The following HEMK2 variants were observed in gnomAD, a reference collection of about 807,000 sequenced individuals.
HEMK2 encodes the protein HemK methyltransferase 2, ETF1 glutamine and histone H4 lysine.
the HEMK2 span, among the ~76,000 whole-genome samples, chr21:28,796,027 C>A: frequency 6.6e-6 from 1 of 152,314 alleles, no homozygotes; most frequent in East Asian, 1.9e-4. Context: ...CTCCTGTTTT[C>A]TCTGAAAACA....
chr21:28,863,413 TATATATA>T, the HEMK2 span, among the ~76,000 whole-genome samples: 214 of 24,124 alleles, frequency 8.9e-3, 22 homozygotes, highest in East Asian at 0.02. Context: ...CTCCCTTTTA[TATATATA>T]TATATATATA....
chr21:28,736,752 G>T, the HEMK2 span, among the ~76,000 whole-genome samples: 1 of 151,296 alleles, frequency 6.6e-6, no homozygotes, highest in African/African-American at 2.4e-5. Context: ...GCAACAGAGT[G>T]AGATCCTTTC....
the HEMK2 span, among the ~76,000 whole-genome samples, chr21:28,764,828 T>G: frequency 6.6e-6 from 1 of 152,164 alleles, no homozygotes; most frequent in Non-Finnish European, 1.5e-5. Context: ...CATAAATGTA[T>G]AATGACAGCT....
At chr21:28,768,240 G>A in the HEMK2 span, among the ~76,000 whole-genome samples, 2 of 152,186 alleles carry the variant, frequency 1.3e-5, no homozygotes, top group African/African-American at 4.8e-5. Flanking sequence ...GTTGGTGGAA[G>A]CAAAAGGCCA....
the HEMK2 span, chr21:28,670,898 T>A: frequency 6.6e-6 from 1 of 152,238 alleles, no homozygotes; most frequent in African/African-American, 2.4e-5. Context: ...GGAACCACCC[T>A]CATGATCCAA....
the HEMK2 span, among the ~76,000 whole-genome samples, chr21:28,640,320 A>G: frequency 6.6e-6 from 1 of 152,234 alleles, no homozygotes; most frequent in Non-Finnish European, 1.5e-5. Flanking sequence ...CTTTAGGCTC[A>G]TGATGGCTCA....
At chr21:28,764,317 T>G in the HEMK2 span, among the ~76,000 whole-genome samples, 8 of 151,640 alleles carry the variant, frequency 5.3e-5, no homozygotes, top group South Asian at 1.7e-3. Flanking sequence ...TGGAAAAGAG[T>G]GGTTAGAGTG....
chr21:28,581,750 C>A, the HEMK2 span, among the ~76,000 whole-genome samples: 1 of 152,096 alleles, frequency 6.6e-6, no homozygotes, highest in African/African-American at 2.4e-5. Context: ...AGCAAGAAAG[C>A]GGTAAAAACT....
chr21:28,594,997 A>C, the HEMK2 span, among the ~76,000 whole-genome samples: 2 of 152,216 alleles, frequency 1.3e-5, no homozygotes, highest in African/African-American at 4.8e-5. Flanking sequence ...TATACACAAT[A>C]TATTTTTAAA....
the HEMK2 span, among the ~76,000 whole-genome samples, chr21:28,681,636 C>T: frequency 7.2e-5 from 11 of 152,200 alleles, no homozygotes; most frequent in Admixed American, 7.2e-4. Context: ...CATCACGCTA[C>T]CTGACTTCAA....
the HEMK2 span, chr21:28,626,766 C>T: frequency 6.6e-6 from 1 of 152,072 alleles, no homozygotes; most frequent in African/African-American, 2.4e-5. Context: ...AAGTAGCCAA[C>T]AAGTACATGA....
At chr21:28,868,207 GCTC>G in the HEMK2 span, among the ~76,000 whole-genome samples, 1 of 152,064 alleles carries the variant, frequency 6.6e-6, no homozygotes, top group African/African-American at 2.4e-5. Context: ...GCTCTCTCAT[GCTC>G]CTCCTATTAT....
At chr21:28,771,521 C>CCCCCCCAAA in the HEMK2 span, among the ~76,000 whole-genome samples, 3 of 131,556 alleles carry the variant, frequency 2.3e-5, no homozygotes, top group East Asian at 7.8e-4. Flanking sequence ...ATGCACCACC[C>CCCCCCCAAA]CCCCCCGCCA....
the HEMK2 span, among the ~76,000 whole-genome samples, chr21:28,740,961 T>C: frequency 6.6e-6 from 1 of 152,198 alleles, no homozygotes; most frequent in South Asian, 2.1e-4. Flanking sequence ...TGTTCATAAC[T>C]GTATATATGC....
At chr21:28,705,128 T>C in the HEMK2 span, among the ~76,000 whole-genome samples, 1 of 152,188 alleles carries the variant, frequency 6.6e-6, no homozygotes, top group Non-Finnish European at 1.5e-5. Context: ...TTTCATTTCT[T>C]TTCTTTTTTC....
chr21:28,839,174 C>G, the HEMK2 span, among the ~76,000 whole-genome samples: 1 of 151,268 alleles, frequency 6.6e-6, no homozygotes, highest in South Asian at 2.1e-4. Flanking sequence ...TCTAGCATCC[C>G]TTTATAGTTA....
At chr21:28,648,776 T>TTTTA in the HEMK2 span, among the ~76,000 whole-genome samples, 567 of 152,274 alleles carry the variant, frequency 3.7e-3, 2 homozygotes, top group African/African-American at 0.013. Context: ...CTGTGTTTTC[T>TTTTA]TTTATTTATT....
At chr21:28,756,927 G>A in the HEMK2 span, among the ~76,000 whole-genome samples, 2 of 152,076 alleles carry the variant, frequency 1.3e-5, no homozygotes, top group Non-Finnish European at 2.9e-5. Flanking sequence ...TTCTACTTAT[G>A]GTAAATAATT....
chr21:28,656,952 A>C, the HEMK2 span, among the ~76,000 whole-genome samples: 20 of 152,224 alleles, frequency 1.3e-4, no homozygotes, highest in African/African-American at 4.6e-4. Context: ...CATTTACAAT[A>C]ATATTTGTGA....
Sources: gnomAD v4.1 joint callset for allele counts (sites outside exome capture counted in the v4.1 genomes callset) on GRCh38, gnomAD v4.1.1 for gene constraint, MANE v1.5 for transcripts, NCBI Gene and HGNC (gene_info 2026-07-23, HGNC 2026-07-21) for gene names.